Variants in NEGR1 observed in about 807,000 individuals in gnomAD.
NEGR1 encodes neuronal growth regulator 1, also known as IgLON family member 4.
A neutral mutation model predicts 40.9 loss-of-function variants in NEGR1; 10 were observed. The ratio of observed to expected loss-of-function variants is 0.24; its 90% confidence interval spans 0.15 to 0.42. The LOEUF is 0.42. Among genes scored for constraint, NEGR1 ranks in the 10% least tolerant of loss-of-function variants. The pLI, the probability that NEGR1 is intolerant of heterozygous loss-of-function variation, is 1.00. For missense variants in NEGR1, 352 were observed against 438.9 expected (o/e 0.80, Z 1.77); for synonymous variants, 185 against 166.8 (o/e 1.11, Z -0.84).
At chr1:72,153,769 G>C (rs1570049318) in intron 1 of NEGR1, among the ~76,000 whole-genome samples, 1 of 151,840 alleles carries the variant, frequency 6.6e-6, no homozygotes. Flanking sequence ...AAGTGGAAAA[G>C]ATACTGAAGT....
At chr1:72,134,560 T>C (rs1249998312) in intron 1 of NEGR1, among the ~76,000 whole-genome samples, 1 of 151,736 alleles carries the variant, frequency 6.6e-6, no homozygotes, top group Non-Finnish European at 1.5e-5. Flanking sequence ...ATTGACATTA[T>C]ATATACAATG....
chr1:71,534,793 T>G (rs911854900), intron 6 of NEGR1, among the ~76,000 whole-genome samples: 2 of 151,630 alleles, frequency 1.3e-5, no homozygotes, highest in Non-Finnish European at 3.0e-5. Context: ...ATAAAACAGT[T>G]AGAAATGCCA....
chr1:72,247,867 T>G (rs1654951233), intron 1 of NEGR1, among the ~76,000 whole-genome samples: 1 of 152,100 alleles, frequency 6.6e-6, no homozygotes, highest in South Asian at 2.1e-4. Context: ...CTTAATCGGC[T>G]CACAGTTCTG....
At chr1:72,015,216 A>C (rs972468602) in intron 1 of NEGR1, among the ~76,000 whole-genome samples, 1 of 152,152 alleles carries the variant, frequency 6.6e-6, no homozygotes, top group African/African-American at 2.4e-5. Flanking sequence ...TCTTAGAAGA[A>C]ACATACTGAA....
chr1:72,128,767 C>T (rs1400984012), intron 1 of NEGR1, among the ~76,000 whole-genome samples: 3 of 152,038 alleles, frequency 2.0e-5, no homozygotes, highest in Non-Finnish European at 2.9e-5. Flanking sequence ...CAAATATTTT[C>T]GGTAAACATT....
chr1:71,762,238 GAAAAAGAAA>G (rs1655971277), intron 3 of NEGR1, among the ~76,000 whole-genome samples: 1 of 142,118 alleles, frequency 7.0e-6, no homozygotes, highest in Non-Finnish European at 1.5e-5. Context: ...AGGAATGCAG[GAAAAAGAAA>G]ATAGAGAAAC....
chr1:71,921,635 A>G (rs1645720641), intron 2 of NEGR1, among the ~76,000 whole-genome samples: 1 of 148,570 alleles, frequency 6.7e-6, no homozygotes, highest in Non-Finnish European at 1.5e-5. Context: ...GAATACATAT[A>G]TATTCTTATA....
At chr1:72,279,749 T>C (rs1373839384) in intron 1 of NEGR1, among the ~76,000 whole-genome samples, 1 of 152,180 alleles carries the variant, frequency 6.6e-6, no homozygotes, top group African/African-American at 2.4e-5. Flanking sequence ...CTATCTGTAA[T>C]GGTCTATGAT....
chr1:71,677,140 A>G (rs1652668213), intron 4 of NEGR1, among the ~76,000 whole-genome samples: 1 of 152,172 alleles, frequency 6.6e-6, no homozygotes. Flanking sequence ...AAGCTGGTGC[A>G]TTGTTGGCCT....
chr1:71,965,260 A>G (rs1646200974), intron 1 of NEGR1, among the ~76,000 whole-genome samples: 1 of 152,198 alleles, frequency 6.6e-6, no homozygotes, highest in African/African-American at 2.4e-5. Context: ...CAGGCATAAA[A>G]TCAGTGAACC....
intron 1 of NEGR1, among the ~76,000 whole-genome samples, chr1:72,132,619 A>C (rs151125323): frequency 1.2e-4 from 18 of 152,326 alleles, no homozygotes; most frequent in African/African-American, 3.8e-4. Flanking sequence ...CTATTACCGT[A>C]GGGTGACTTG....
chr1:72,043,976 A>G (rs1340898155), intron 1 of NEGR1, among the ~76,000 whole-genome samples: 8 of 151,878 alleles, frequency 5.3e-5, no homozygotes, highest in Non-Finnish European at 1.2e-4. Context: ...AAATAAAAAA[A>G]TTAAAAAGGC....
intron 1 of NEGR1, among the ~76,000 whole-genome samples, chr1:72,123,338 C>T (rs1649876675): frequency 6.6e-6 from 1 of 150,784 alleles, no homozygotes; most frequent in African/African-American, 2.4e-5. Flanking sequence ...CTGTATATAA[C>T]ATGTAGAAAG....
intron 5 of NEGR1, among the ~76,000 whole-genome samples, chr1:71,594,115 G>T (rs1318333946): frequency 6.6e-6 from 1 of 152,132 alleles, no homozygotes; most frequent in African/African-American, 2.4e-5. Flanking sequence ...ATAGGCATTA[G>T]TAAGCCCGCT....
intron 1 of NEGR1, among the ~76,000 whole-genome samples, chr1:72,149,434 C>T (rs1342273842): frequency 6.6e-6 from 1 of 152,020 alleles, no homozygotes; most frequent in African/African-American, 2.4e-5. Flanking sequence ...GTAAAGCAGA[C>T]GAAGAAGCTT....
At chr1:72,192,898 T>C (rs908458660) in intron 1 of NEGR1, among the ~76,000 whole-genome samples, 1 of 151,872 alleles carries the variant, frequency 6.6e-6, no homozygotes, top group Non-Finnish European at 1.5e-5. Context: ...AATTAGGTTA[T>C]TGATGGCCTG....
At chr1:71,586,857 G>GAT (rs922313996) in intron 6 of NEGR1, among the ~76,000 whole-genome samples, 43 of 152,208 alleles carry the variant, frequency 2.8e-4, no homozygotes, top group African/African-American at 9.6e-4. Flanking sequence ...AGAACGACTT[G>GAT]ATAGGCCTGT....
At chr1:71,464,074 T>A (rs537938016) in intron 6 of NEGR1, among the ~76,000 whole-genome samples, 23 of 152,124 alleles carry the variant, frequency 1.5e-4, no homozygotes, top group Non-Finnish European at 2.9e-4. Context: ...TTTAGTGACA[T>A]CTGCAAAGGC....
At chr1:71,805,024 G>GGTGGCTGTCTTTTACAGTC (rs1557658909) in intron 2 of NEGR1, among the ~76,000 whole-genome samples, 2 of 152,104 alleles carry the variant, frequency 1.3e-5, no homozygotes, top group African/African-American at 4.8e-5. Flanking sequence ...CTGCTTTGGG[G>GGTGGCTGTCTTTTACAGTC]GTGGCTGTCT....
Sources: gnomAD v4.1 joint callset for allele counts (sites outside exome capture counted in the v4.1 genomes callset) on GRCh38, gnomAD v4.1.1 for gene constraint, MANE v1.5 for transcripts, NCBI Gene and HGNC (gene_info 2026-07-23, HGNC 2026-07-21) for gene names.